TPO: variants seen among roughly 807,000 people sequenced by gnomAD.
TPO encodes the protein thyroid peroxidase.
TPO carries 78 observed loss-of-function variants against 96.9 expected under a neutral mutation model. The ratio of observed to expected loss-of-function variants is 0.81; its 90% CI spans 0.67 to 0.97. The LOEUF (loss-of-function observed/expected upper bound fraction) is 0.97. Ranked by LOEUF, TPO falls within the 50% of genes least tolerant of loss-of-function variation. The pLI, the probability that TPO is intolerant of heterozygous loss-of-function variation, is 0.00. For synonymous variants in TPO, 547 were observed against 538.0 expected, an observed-to-expected ratio of 1.02 and a Z score of -0.23; for missense variants, 1,252 against 1,274.8, an observed-to-expected ratio of 0.98 and a Z score of 0.27.
At chr2:1,515,270 C>T (rs1018198130) in intron 14 of TPO, among the ~76,000 whole-genome samples, 1 of 152,214 alleles carries the variant, frequency 6.6e-6, no homozygotes, top group Non-Finnish European at 1.5e-5. Flanking sequence ...AGAACCCAGC[C>T]TCTTTCTGGA....
chr2:1,506,490 A>C (rs1050697696), intron 14 of TPO, among the ~76,000 whole-genome samples: 1 of 152,228 alleles, frequency 6.6e-6, no homozygotes, highest in Non-Finnish European at 1.5e-5. Context: ...ACTAGTTTAC[A>C]GTCCCACCAA....
chr2:1,461,750 C>G (rs1668457674), intron 7 of TPO, among the ~76,000 whole-genome samples: 1 of 152,168 alleles, frequency 6.6e-6, no homozygotes, highest in African/African-American at 2.4e-5. Flanking sequence ...GCTCATGACA[C>G]ACAGACCCAC....
intron 15 of TPO, among the ~76,000 whole-genome samples, chr2:1,537,500 A>AAATGCCCCACTGTGTGCAACCTCCCCG (rs1680061235): frequency 2.4e-5 from 1 of 41,028 alleles, no homozygotes; most frequent in Non-Finnish European, 4.4e-5. Flanking sequence ...CAGCCTCCCC[A>AAATGCCCCACTGTGTGCAACCTCCCCG]AATCCCCCCA....
upstream of TPO, among the ~76,000 whole-genome samples, chr2:1,411,776 C>G (rs1662365665): frequency 6.6e-6 from 1 of 152,186 alleles, no homozygotes; most frequent in Non-Finnish European, 1.5e-5. Context: ...ATCACTTCCC[C>G]CTTTCTCCCC....
intron 3 of TPO, among the ~76,000 whole-genome samples, chr2:1,427,566 C>T (rs1196056134): frequency 6.6e-6 from 1 of 152,222 alleles, no homozygotes; most frequent in Admixed American, 6.5e-5. Context: ...AGAGCGGGCA[C>T]TGCAGATCTG....
At chr2:1,500,481 T>A (rs962431484) in intron 13 of TPO, among the ~76,000 whole-genome samples, 3 of 152,196 alleles carry the variant, frequency 2.0e-5, no homozygotes, top group Non-Finnish European at 4.4e-5. Flanking sequence ...CAGGAAACTT[T>A]ACGTTTATGG....
intron 7 of TPO, 91 bp from the exon 8 acceptor site, chr2:1,476,995 G>T: frequency 1.4e-6 from 2 of 1,470,924 alleles, no homozygotes; most frequent in South Asian, 2.7e-5. Flanking sequence ...AACGTGCGGC[G>T]CTGCGGGGTC....
chr2:1,515,155 C>T (rs892250127), intron 14 of TPO, among the ~76,000 whole-genome samples: 1 of 152,228 alleles, frequency 6.6e-6, no homozygotes, highest in African/African-American at 2.4e-5. Context: ...CCACCCAGGC[C>T]TCGATCAGCT....
At chr2:1,497,006 G>A (rs1007461739) in intron 13 of TPO, among the ~76,000 whole-genome samples, 2 of 152,174 alleles carry the variant, frequency 1.3e-5, no homozygotes, top group Admixed American at 6.5e-5. Context: ...TGGGGTCACC[G>A]GTGAGGGAAG....
At chr2:1,403,183 C>T (rs925198724) in intron 1 of TPO, among the ~76,000 whole-genome samples, 8 of 152,094 alleles carry the variant, frequency 5.3e-5, no homozygotes, top group African/African-American at 1.9e-4. Context: ...CTCTGTAACC[C>T]GCAGATGGAC....
chr2:1,523,344 T>C (rs1254246793), intron 15 of TPO, among the ~76,000 whole-genome samples: 8 of 40,100 alleles, frequency 2.0e-4, no homozygotes, highest in African/African-American at 1.0e-4. Context: ...TGTGTGCAAC[T>C]TCCCTAAATC....
intron 2 of TPO, among the ~76,000 whole-genome samples, chr2:1,422,538 T>C (rs1663866362): frequency 2.6e-5 from 4 of 152,236 alleles, no homozygotes; most frequent in Admixed American, 2.6e-4. Flanking sequence ...CCGGAAACAC[T>C]TGCCGTCTTC....
intron 1 of TPO, among the ~76,000 whole-genome samples, chr2:1,381,839 T>C (rs1283756671): frequency 6.6e-6 from 1 of 152,176 alleles, no homozygotes; most frequent in Non-Finnish European, 1.5e-5. Context: ...CTGAGCTCCA[T>C]GACTCACGGG....
chr2:1,400,752 ATT>A (rs928677747), intron 1 of TPO, among the ~76,000 whole-genome samples: 1 of 152,070 alleles, frequency 6.6e-6, no homozygotes, highest in African/African-American at 2.4e-5. Flanking sequence ...TTTATCCAAG[ATT>A]TTTATCAGCA....
chr2:1,391,766 T>G (rs560484115), intron 1 of TPO, among the ~76,000 whole-genome samples: 1 of 152,320 alleles, frequency 6.6e-6, no homozygotes, highest in South Asian at 2.1e-4. Flanking sequence ...TATTTTATTC[T>G]CTTTGAAGCA....
At chr2:1,477,747 G>A in intron 8 of TPO, 143 bp downstream of exon 8, 2 of 1,369,862 alleles carry the variant, frequency 1.5e-6, no homozygotes, top group African/African-American at 1.5e-5. Context: ...TCCAGGTCGT[G>A]GGGCCCTGTG....
At chr2:1,453,477 G>A (rs1334491052) in intron 5 of TPO, among the ~76,000 whole-genome samples, 2 of 152,154 alleles carry the variant, frequency 1.3e-5, no homozygotes, top group Non-Finnish European at 2.9e-5. Flanking sequence ...TCGGGAGAGG[G>A]TGCCTGTGGG....
chr2:1,422,348 C>CTCGTGCAGGCGCCTCTCCTGGACAGACT (rs1663741306), intron 2 of TPO, among the ~76,000 whole-genome samples: 6 of 98,118 alleles, frequency 6.1e-5, no homozygotes, highest in Admixed American at 9.8e-5. Context: ...CTGGACCGAC[C>CTCGTGCAGGCGCCTCTCCTGGACAGACT]TCGTGCAGGC....
chr2:1,511,015 A>G (rs1305913163), intron 14 of TPO, among the ~76,000 whole-genome samples: 2 of 152,228 alleles, frequency 1.3e-5, no homozygotes, highest in Non-Finnish European at 2.9e-5. Flanking sequence ...ATAGATTTAG[A>G]TTTCGGTACA....
Sources: allele counts gnomAD v4.1 joint callset (sites outside exome capture counted in the v4.1 genomes callset), GRCh38; gene constraint gnomAD v4.1.1; transcripts MANE v1.5; gene names NCBI Gene and HGNC (gene_info 2026-07-23, HGNC 2026-07-21).